The following PRDM16 variants were observed in gnomAD, a reference collection of about 807,000 sequenced individuals.
PRDM16 encodes the protein histone-lysine N-methyltransferase PRDM16.
PRDM16 carries 23 observed loss-of-function variants against 110.6 expected under a neutral mutation model. The observed-to-expected ratio is 0.21, with a 90% confidence interval of 0.15 to 0.29. The LOEUF is 0.29. PRDM16 is among the 10% of genes least tolerant of loss of function. The pLI is 1.00. For missense variants in PRDM16, 1,615 were observed against 1,794.3 expected, an observed-to-expected ratio of 0.90 and a Z score of 1.81; for synonymous variants, 799 against 781.8, an observed-to-expected ratio of 1.02 and a Z score of -0.37.
At chr1:3,351,097 T>C (rs961082944) in intron 3 of PRDM16, among the ~76,000 whole-genome samples, 2 of 152,150 alleles carry the variant, frequency 1.3e-5, no homozygotes, top group African/African-American at 2.4e-5. Context: ...GCTGGCTCGC[T>C]GGGCCAGACG....
chr1:3,183,930 A>G (rs1490000741), intron 1 of PRDM16, among the ~76,000 whole-genome samples: 1 of 152,108 alleles, frequency 6.6e-6, no homozygotes, highest in Non-Finnish European at 1.5e-5. Context: ...TCGGCCTCCA[A>G]CCCGACTTTG....
At chr1:3,336,229 C>T (rs1205747631) in intron 3 of PRDM16, among the ~76,000 whole-genome samples, 4 of 152,084 alleles carry the variant, frequency 2.6e-5, no homozygotes, top group African/African-American at 9.7e-5. Context: ...CATGTGTGCA[C>T]GTGCGTATAT....
At chr1:3,369,734 A>C (rs1380654195) in intron 3 of PRDM16, among the ~76,000 whole-genome samples, 1 of 152,270 alleles carries the variant, frequency 6.6e-6, no homozygotes, top group Non-Finnish European at 1.5e-5. Flanking sequence ...GCATCTTTTT[A>C]TGCACGCATA....
intron 3 of PRDM16, among the ~76,000 whole-genome samples, chr1:3,260,207 C>T (rs548399572): frequency 1.3e-5 from 2 of 152,254 alleles, no homozygotes; most frequent in African/African-American, 4.8e-5. Flanking sequence ...TGTCTGGATT[C>T]CTGTGGTTCT....
At position 3,186,402 on chromosome 1, in the gene PRDM16, A is replaced by C. The variant is rs1033476921; in HGVS notation, c.315A>C (p.Glu105Asp). The change falls in exon 2 of 17, where the codon GAA becomes GAC. Residue 105 changes from glutamate (E) to aspartate (D), a missense_variant. Transcript: ENST00000270722. ...GLGVWAKRKM[E>D]AGERLGPCVV... ...GGGTCTGGGCCAAGAGGAAGATGGA[A>C]GCCGGGGAGAGGCTGGGCCCCTGCG... 2 of 1,602,554 alleles carry C rather than the reference A, an allele frequency of 1.2e-6. No individual in the cohort carries two copies. Among genetic ancestry groups the C allele is most frequent in the African/African-American group, 2.7e-5 (2 of 74,486 alleles).
In PRDM16 at chr1:3,181,098, G is replaced by C. The variant is rs1430180615; in HGVS notation, c.38-5027G>C. On this transcript the variant is annotated intron_variant, in intron 1 of 16. Coordinates refer to ENST00000270722, the MANE Select transcript of PRDM16 (RefSeq NM_022114.4). ...CGGTCTTACACACGGCCTTACACACGCAGTCTTACACGCGGCCTTACACAC... is the reference window on the plus strand; with the variant it reads ...CGGTCTTACACACGGCCTTACACACCCAGTCTTACACGCGGCCTTACACAC... Among the ~76,000 whole-genome samples the C allele has an allele frequency of 1.0e-3, 19 of 18,402 alleles. No individual in the cohort carries two copies. The South Asian group carries it at 0.019, about 18-fold the overall frequency. 12.1% of individuals were successfully genotyped at this position (18,402 alleles called of 152,430 possible).
intron 3 of PRDM16, among the ~76,000 whole-genome samples, chr1:3,346,135 C>T (rs1354305552): frequency 6.6e-6 from 1 of 152,248 alleles, no homozygotes; most frequent in Non-Finnish European, 1.5e-5. Flanking sequence ...TCCTTTTTCT[C>T]CTAGGGAGAG....
chr1:3,294,704 G>A (rs771345924), intron 3 of PRDM16, among the ~76,000 whole-genome samples: 1 of 152,174 alleles, frequency 6.6e-6, no homozygotes, highest in African/African-American at 2.4e-5. Context: ...GTTTGGTTGA[G>A]CATTGACAAA....
intron 12 of PRDM16, among the ~76,000 whole-genome samples, chr1:3,419,962 T>C (rs1013880359): frequency 5.3e-5 from 8 of 151,048 alleles, no homozygotes; most frequent in African/African-American, 2.0e-4. Context: ...GACTTACAAC[T>C]TAACAAAGGC....
chr1:3,262,497 G>A (rs146608654), intron 3 of PRDM16, among the ~76,000 whole-genome samples: 66 of 152,318 alleles, frequency 4.3e-4, no homozygotes, highest in Non-Finnish European at 8.1e-4. Context: ...CACCCTTGGC[G>A]GGAGGCGTGG....
chr1:3,424,362 C>G (rs907802075), intron 12 of PRDM16, among the ~76,000 whole-genome samples: 3 of 152,278 alleles, frequency 2.0e-5, no homozygotes, highest in African/African-American at 7.2e-5. Context: ...CACTCCCAGC[C>G]CAAGGGCCCC....
At chr1:3,154,249 T>TGTCACCACGGGCTGGCGCA (rs1242681615) in intron 1 of PRDM16, among the ~76,000 whole-genome samples, 160 of 152,190 alleles carry the variant, frequency 1.1e-3, no homozygotes, top group African/African-American at 3.5e-3. Context: ...GGACTGGCGC[T>TGTCACCACGGGCTGGCGCA]GTCACCACGG....
Position 3,339,363 on chromosome 1 carries a change from A to G in PRDM16, c.439-45789A>G, listed in dbSNP as rs976614610. On this transcript the variant is annotated intron_variant, in intron 3 of 16. Coordinates refer to ENST00000270722, the MANE Select transcript of PRDM16 (RefSeq NM_022114.4). This position sits in a 1 kb window ranked among gnomAD's most constrained non-coding sequence, Gnocchi z 5.0. ...CCTCCGCGCATCCGTGCCCGGAAGCAGGAACAGAGGGATGGGTGGATGAGT... is the reference window on the plus strand; with the variant it reads ...CCTCCGCGCATCCGTGCCCGGAAGCGGGAACAGAGGGATGGGTGGATGAGT... Among the ~76,000 whole-genome samples, 11 of 152,118 alleles carry G rather than the reference A, an allele frequency of 7.2e-5. No homozygotes were observed. Among genetic ancestry groups the G allele is most frequent in the African/African-American group, 2.7e-4 (11 of 41,420 alleles).
At chr1:3,242,362 C>A (rs1639692374) in intron 2 of PRDM16, among the ~76,000 whole-genome samples, 1 of 152,252 alleles carries the variant, frequency 6.6e-6, no homozygotes, top group South Asian at 2.1e-4. Flanking sequence ...TCCACAGTTT[C>A]TCTGCCCGGG....
chr1:3,420,862 C>T lies in PRDM16; in HGVS notation c.2939+2118C>T, dbSNP rs186928969. On this transcript the variant is annotated intron_variant, in intron 12 of 16. Transcript: ENST00000270722. ...TTGGTCTTCGTCCTGACAGCCGGCC[C>T]GGGGGTCTCTCTGGGAGGCTGCCCA... is the stretch of plus-strand genomic sequence containing the variant. Among the ~76,000 whole-genome samples the T allele has an allele frequency of 1.9e-4, 29 of 152,278 alleles. No individual in the cohort carries two copies. The East Asian group carries it at 5.2e-3, about 27-fold the overall frequency.
chr1:3,401,008 G>A (rs1193891251), intron 5 of PRDM16, among the ~76,000 whole-genome samples: 1 of 152,160 alleles, frequency 6.6e-6, no homozygotes. Flanking sequence ...TATGCCTGCT[G>A]TGGTCTCTTG....
At chr1:3,291,520 G>T (rs1640972635) in intron 3 of PRDM16, among the ~76,000 whole-genome samples, 1 of 152,154 alleles carries the variant, frequency 6.6e-6, no homozygotes, top group Non-Finnish European at 1.5e-5. Flanking sequence ...GGAAGGGCCA[G>T]CTCCAGGGGC....
chr1:3,129,554 C>T (rs1477281185), intron 1 of PRDM16, among the ~76,000 whole-genome samples: 3 of 152,222 alleles, frequency 2.0e-5, no homozygotes, highest in South Asian at 4.1e-4. Context: ...GGAAAGGAGC[C>T]GGGGCAGACC....
intron 3 of PRDM16, among the ~76,000 whole-genome samples, chr1:3,357,385 C>T (rs560906305): frequency 2.2e-4 from 32 of 147,704 alleles, no homozygotes; most frequent in South Asian, 1.1e-3. Flanking sequence ...AACCTTCAGC[C>T]GTGTGCTTCC....
Sources: gnomAD v4.1 joint callset for allele counts (sites outside exome capture counted in the v4.1 genomes callset) on GRCh38, gnomAD v4.1.1 for gene constraint, Gnocchi (gnomAD v3.1) non-coding constraint, MANE v1.5 for transcripts, NCBI Gene and HGNC (gene_info 2026-07-23, HGNC 2026-07-21) for gene names.